Variants in RNF144A observed in about 807,000 individuals in gnomAD.
RNF144A encodes the protein E3 ubiquitin-protein ligase RNF144A.
Under a neutral mutation model 38.7 loss-of-function variants are expected in RNF144A, and 11 were observed. The observed-to-expected ratio is 0.28, with a 90% CI of 0.18 to 0.47. The LOEUF is 0.47. Among genes scored for constraint, RNF144A ranks in the 20% least tolerant of loss-of-function variants. RNF144A has a pLI of 0.99. For missense variants in RNF144A, 316 were observed against 377.2 expected (o/e 0.84, Z 1.34); for synonymous variants, 149 against 143.9 (o/e 1.04, Z -0.25).
intron 3 of RNF144A, among the ~76,000 whole-genome samples, chr2:7,011,401 C>CA (rs963354766): frequency 6.6e-6 from 1 of 152,110 alleles, no homozygotes; most frequent in South Asian, 2.1e-4. Flanking sequence ...AGTAAGTATA[C>CA]AAAAAATGTA....
chr2:6,917,453 C>T lies in RNF144A; in HGVS notation c.-381C>T, dbSNP rs902059697. ...GCCCCGCCCGCGCAGCCGCTTCTCC[C>T]CGCGCGGGCTCTCGGCAGGCGGGAG... On this transcript the variant is annotated 5_prime_UTR_variant, in exon 1 of 9. Coordinates refer to ENST00000320892, the MANE Select transcript of RNF144A (RefSeq NM_014746.6). This position sits in a 1 kb window ranked among gnomAD's most constrained non-coding sequence, Gnocchi z 4.8. 1 of 146,944 alleles carries T rather than the reference C, an allele frequency of 6.8e-6. No homozygotes were observed. Among genetic ancestry groups the T allele is most frequent in the Non-Finnish European group, 1.5e-5 (1 of 66,088 alleles). 9.1% of individuals were successfully genotyped at this position (146,944 alleles called of 1,614,324 possible). A position where few individuals can be genotyped will look rare whatever the true frequency, so the allele number is the denominator to read the frequency against.
intron 6 of RNF144A, among the ~76,000 whole-genome samples, chr2:7,053,730 T>A (rs966130378): frequency 6.6e-6 from 1 of 152,252 alleles, no homozygotes; most frequent in Non-Finnish European, 1.5e-5. Flanking sequence ...TACATGGATA[T>A]GCTTTGGTTA....
intron 2 of RNF144A, among the ~76,000 whole-genome samples, chr2:6,975,995 G>A (rs1172271090): frequency 1.3e-5 from 2 of 152,020 alleles, no homozygotes; most frequent in East Asian, 1.9e-4. Flanking sequence ...TTTCTTCAGC[G>A]GCACAGTATT....
chr2:6,927,047 A>G (rs896993099), intron 1 of RNF144A, among the ~76,000 whole-genome samples: 2 of 152,224 alleles, frequency 1.3e-5, no homozygotes, highest in Non-Finnish European at 2.9e-5. Flanking sequence ...TCACTGTAGT[A>G]AAAACAACCA....
intron 1 of RNF144A, chr2:6,918,153 C>A (rs1337985825): frequency 6.6e-6 from 1 of 152,314 alleles, no homozygotes; most frequent in South Asian, 2.1e-4. Flanking sequence ...TCGGAACTGG[C>A]CAAGAGGATG....
At chr2:7,004,878 G>C (rs1670338387) in intron 3 of RNF144A, among the ~76,000 whole-genome samples, 1 of 152,124 alleles carries the variant, frequency 6.6e-6, no homozygotes, top group Non-Finnish European at 1.5e-5. Flanking sequence ...CTTATGTTCT[G>C]CTTTTTCATA....
intron 5 of RNF144A, among the ~76,000 whole-genome samples, chr2:7,018,266 C>T (rs551297588): frequency 1.3e-4 from 20 of 152,302 alleles, no homozygotes; most frequent in African/African-American, 4.8e-4. Context: ...GAGCAAAGAG[C>T]GGGTGAGGAT....
intron 2 of RNF144A, among the ~76,000 whole-genome samples, chr2:6,994,267 G>A (rs545102515): frequency 6.6e-6 from 1 of 152,244 alleles, no homozygotes; most frequent in East Asian, 1.9e-4. Flanking sequence ...TTCCAGCCCT[G>A]ACTGATTTCT....
At chr2:7,049,427 T>G (rs1033701324) in intron 6 of RNF144A, among the ~76,000 whole-genome samples, 1 of 152,166 alleles carries the variant, frequency 6.6e-6, no homozygotes, top group African/African-American at 2.4e-5. Context: ...GTAACATCAT[T>G]CACACTCAGG....
chr2:7,058,338 GAAAA>G (rs376684925), intron 6 of RNF144A, among the ~76,000 whole-genome samples: 29 of 105,990 alleles, frequency 2.7e-4, no homozygotes, highest in African/African-American at 7.5e-4. Context: ...TGGGGGAACT[GAAAA>G]AAAAAAAAAA....
At chr2:6,971,433 A>G (rs1323690005) in intron 2 of RNF144A, among the ~76,000 whole-genome samples, 4 of 152,238 alleles carry the variant, frequency 2.6e-5, no homozygotes, top group African/African-American at 9.6e-5. Flanking sequence ...TTGCAAAACT[A>G]AAATATGGAG....
intron 2 of RNF144A, among the ~76,000 whole-genome samples, chr2:6,952,236 T>C (rs550645485): frequency 1.1e-4 from 17 of 152,268 alleles, no homozygotes; most frequent in Middle Eastern, 3.4e-3. Context: ...CTCTTATACT[T>C]CTAAGAGAAA....
chr2:6,992,363 C>T (rs1358670345), intron 2 of RNF144A, among the ~76,000 whole-genome samples: 3 of 152,188 alleles, frequency 2.0e-5, no homozygotes, highest in Non-Finnish European at 2.9e-5. Flanking sequence ...GTTTAGAGAG[C>T]GCTGCTTGCG....
chr2:6,924,248 A>C, intron 1 of RNF144A, among the ~76,000 whole-genome samples: 1 of 152,208 alleles, frequency 6.6e-6, no homozygotes, highest in East Asian at 1.9e-4. Context: ...TGTAGACACC[A>C]TGTAAGTGAG....
In RNF144A at chr2:7,043,988, T is replaced by C; in HGVS notation, c.*4228T>C. 2.0e-6 allele frequency: 2 copies of C among 985,894 alleles called. No individual in the cohort carries two copies. Among genetic ancestry groups the C allele is most frequent in the Non-Finnish European group, 2.4e-6 (2 of 829,922 alleles). The allele number at this position is 985,894 out of a possible 1,614,324, so 61.1% of individuals were successfully genotyped here. ...TCAGTACATTTTGTGCCACTAACACTGTGATGTATAAAAGAGCTGTTTGAA... is the reference window on the plus strand; with the variant it reads ...TCAGTACATTTTGTGCCACTAACACCGTGATGTATAAAAGAGCTGTTTGAA... On this transcript the variant is annotated 3_prime_UTR_variant, in exon 9 of 9. Coordinates refer to ENST00000320892, the MANE Select transcript of RNF144A (RefSeq NM_014746.6).
At chr2:6,994,820 G>A (rs1193813163) in intron 2 of RNF144A, among the ~76,000 whole-genome samples, 2 of 152,202 alleles carry the variant, frequency 1.3e-5, no homozygotes, top group African/African-American at 2.4e-5. Context: ...TCCAGCTGCG[G>A]CCCACTCCCG....
intron 8 of RNF144A, among the ~76,000 whole-genome samples, chr2:7,037,502 C>T (rs960423513): frequency 2.0e-5 from 3 of 152,216 alleles, no homozygotes; most frequent in Non-Finnish European, 4.4e-5. Context: ...CACGTGATTT[C>T]AGTAAAGCAC....
At position 7,041,765 on chromosome 2, in the gene RNF144A, C is replaced by A. The variant is rs1051959251; in HGVS notation, c.*2005C>A. 24 of 985,628 alleles carry A rather than the reference C, an allele frequency of 2.4e-5. No homozygotes were observed. The African/African-American group carries it at 3.7e-4, about 15-fold the overall frequency. 61.1% of individuals were successfully genotyped at this position (985,628 alleles called of 1,614,324 possible). A position where few individuals can be genotyped will look rare whatever the true frequency, so the allele number is the denominator to read the frequency against. On this transcript the variant is annotated 3_prime_UTR_variant, in exon 9 of 9. Transcript: ENST00000320892. ...TCCACCATATGCTCATCCTTCCTGC[C>A]TGAAATTGCTGCTGCCCATCGCATG...
At chr2:6,938,913 C>T (rs922254970) in intron 1 of RNF144A, among the ~76,000 whole-genome samples, 1 of 152,136 alleles carries the variant, frequency 6.6e-6, no homozygotes, top group African/African-American at 2.4e-5. Context: ...TGAATCAGTA[C>T]TGCATTCCTT....
Sources: gnomAD v4.1 joint callset for allele counts (sites outside exome capture counted in the v4.1 genomes callset) on GRCh38, gnomAD v4.1.1 for gene constraint, Gnocchi (gnomAD v3.1) non-coding constraint, MANE v1.5 for transcripts, NCBI Gene and HGNC (gene_info 2026-07-23, HGNC 2026-07-21) for gene names.